The following PALLD variants were observed in gnomAD, a reference collection of about 807,000 sequenced individuals.
PALLD encodes palladin, cytoskeletal associated protein, also known as palladin.
A neutral mutation model predicts 123.5 loss-of-function variants in PALLD; 61 were observed. That is an observed-to-expected ratio of 0.49 (90% CI 0.40 to 0.61). The LOEUF is 0.61. PALLD is among the 20% of genes least tolerant of loss of function. The probability of loss-of-function intolerance (pLI) is 0.00; values close to 1 mark genes in which losing one functional copy is unlikely to be tolerated. For missense variants in PALLD, 1,273 were observed against 1,377.0 expected, an observed-to-expected ratio of 0.92 and a Z score of 1.20; for synonymous variants, 465 against 496.4, an observed-to-expected ratio of 0.94 and a Z score of 0.84.
At chr4:168,714,920 G>GA (rs1033747004) in intron 10 of PALLD, among the ~76,000 whole-genome samples, 24 of 147,650 alleles carry the variant, frequency 1.6e-4, no homozygotes, top group South Asian at 2.1e-4. Context: ...TGCGGGAAAA[G>GA]AAAAAAAAAA....
At chr4:168,771,426 G>A (rs935814349) in intron 10 of PALLD, among the ~76,000 whole-genome samples, 6 of 152,146 alleles carry the variant, frequency 3.9e-5, no homozygotes, top group South Asian at 2.1e-4. Context: ...ATTCAGGAAC[G>A]GGCTGCAACA....
At chr4:168,922,100 TA>T (rs1761669171) in intron 18 of PALLD, among the ~76,000 whole-genome samples, 8 of 96,632 alleles carry the variant, frequency 8.3e-5, no homozygotes, top group Non-Finnish European at 1.7e-4. Context: ...TATATATATA[TA>T]TACACACACA....
chr4:168,614,004 G>C (rs1561306028), intron 2 of PALLD, among the ~76,000 whole-genome samples: 1 of 152,164 alleles, frequency 6.6e-6, no homozygotes. Context: ...TTAAAGGCTG[G>C]AGAATTCGGT....
intron 2 of PALLD, among the ~76,000 whole-genome samples, chr4:168,665,432 T>C (rs1779543118): frequency 1.3e-5 from 2 of 152,194 alleles, no homozygotes; most frequent in Non-Finnish European, 2.9e-5. Context: ...AGGTACAATA[T>C]ACATTTTTAA....
At position 168,667,565 on chromosome 4, in the gene PALLD, T is replaced by A. The variant is rs144062497; in HGVS notation, c.909-625T>A. ...AAATTTCCCACACGAAGGACCTGATTGTTTGGGAAAGGAAAAGTGCTGACG... is the reference window on the plus strand; with the variant it reads ...AAATTTCCCACACGAAGGACCTGATAGTTTGGGAAAGGAAAAGTGCTGACG... On this transcript the variant is annotated intron_variant, in intron 2 of 21. Transcript: ENST00000505667. 2.4e-4 allele frequency among the ~76,000 whole-genome samples: 36 copies of A among 152,238 alleles called. No individual in the cohort carries two copies. The East Asian group carries it at 6.9e-3, about 29-fold the overall frequency.
chr4:168,911,429 C>T (rs899682949), intron 15 of PALLD, among the ~76,000 whole-genome samples: 2 of 152,082 alleles, frequency 1.3e-5, no homozygotes, highest in Non-Finnish European at 2.9e-5. Context: ...TCATGGAAGC[C>T]GCAAAGCACA....
chr4:168,744,505 T>C (rs1788668611), intron 10 of PALLD, among the ~76,000 whole-genome samples: 1 of 120,026 alleles, frequency 8.3e-6, no homozygotes, highest in Non-Finnish European at 1.8e-5. Context: ...GAACTCATGG[T>C]CTTCCAACAG....
intron 10 of PALLD, among the ~76,000 whole-genome samples, chr4:168,773,904 C>A (rs1481431421): frequency 6.6e-6 from 1 of 152,100 alleles, no homozygotes; most frequent in Non-Finnish European, 1.5e-5. Context: ...ATGCTCCAGC[C>A]ATTTAACAAG....
intron 10 of PALLD, among the ~76,000 whole-genome samples, chr4:168,768,024 C>A (rs545226168): frequency 6.6e-6 from 1 of 152,292 alleles, no homozygotes; most frequent in South Asian, 2.1e-4. Flanking sequence ...TCCCTCATCT[C>A]CCTCATTTGA....
chr4:168,792,405 G>A (rs1484123768), intron 10 of PALLD, among the ~76,000 whole-genome samples: 2 of 152,210 alleles, frequency 1.3e-5, no homozygotes, highest in East Asian at 1.9e-4. Flanking sequence ...ATATTGCCAA[G>A]TAAAAGAAGT....
At chr4:168,588,984 A>G (rs1274426573) in intron 2 of PALLD, among the ~76,000 whole-genome samples, 4 of 152,128 alleles carry the variant, frequency 2.6e-5, no homozygotes, top group Non-Finnish European at 5.9e-5. Flanking sequence ...GTGAGTTTTT[A>G]TGTTTGGGTC....
At chr4:168,897,781 G>C (rs1178820101) in intron 13 of PALLD, among the ~76,000 whole-genome samples, 1 of 151,508 alleles carries the variant, frequency 6.6e-6, no homozygotes, top group Non-Finnish European at 1.5e-5. Context: ...CAAGGAAATT[G>C]TAGGATCCAC....
intron 10 of PALLD, among the ~76,000 whole-genome samples, chr4:168,806,211 T>G (rs1227335893): frequency 1.3e-5 from 2 of 152,180 alleles, no homozygotes; most frequent in African/African-American, 4.8e-5. Flanking sequence ...ATTACAGGCT[T>G]GTGCCACCAC....
In PALLD at chr4:168,739,855, G is replaced by A. The variant is rs574832768; in HGVS notation, c.1964+27932G>A. Among the ~76,000 whole-genome samples, 9 of 152,260 alleles carry A rather than the reference G, an allele frequency of 5.9e-5. No homozygotes were observed. The South Asian group carries it at 1.9e-3, about 32-fold the overall frequency. On this transcript the variant is annotated intron_variant, in intron 10 of 21. Transcript: ENST00000505667. ...ATTTACTGCGTGAATTTTTGTTTCAGGTTTACTTTATTGCTGCTCTAATTA... is the reference window on the plus strand; with the variant it reads ...ATTTACTGCGTGAATTTTTGTTTCAAGTTTACTTTATTGCTGCTCTAATTA...
chr4:168,589,828 T>C (rs1012963170), intron 2 of PALLD, among the ~76,000 whole-genome samples: 1 of 152,164 alleles, frequency 6.6e-6, no homozygotes, highest in Non-Finnish European at 1.5e-5. Context: ...CTCTAAGGAT[T>C]CCCAACTGCT....
At chr4:168,753,473 C>T (rs1361155524) in intron 10 of PALLD, among the ~76,000 whole-genome samples, 1 of 152,002 alleles carries the variant, frequency 6.6e-6, no homozygotes, top group Non-Finnish European at 1.5e-5. Context: ...CCGCCCTAGC[C>T]AGCATTCAAG....
rs1312442613 is a variant in PALLD at position 168,664,495 on chromosome 4, T to C, written c.909-3695T>C. 3.9e-5 allele frequency among the ~76,000 whole-genome samples: 6 copies of C among 152,234 alleles called. No individual in the cohort carries two copies. In the East Asian group the frequency reaches 1.2e-3, roughly 29 times the overall value. ...GTAAACCACTAGGCTGACCTGTTTTTGCTTTTTAAATATGCATGTTTTTTG... is the reference window on the plus strand; with the variant it reads ...GTAAACCACTAGGCTGACCTGTTTTCGCTTTTTAAATATGCATGTTTTTTG... On this transcript the variant is annotated intron_variant, in intron 2 of 21. Transcript: ENST00000505667.
intron 10 of PALLD, chr4:168,832,283 G>C (rs1209844204): frequency 1.3e-6 from 1 of 750,584 alleles, no homozygotes; most frequent in Non-Finnish European, 1.6e-6. Flanking sequence ...GACAGGGTGG[G>C]GGCGGGGAGG....
At chr4:168,755,274 A>G (rs1196618810) in intron 10 of PALLD, among the ~76,000 whole-genome samples, 4 of 151,962 alleles carry the variant, frequency 2.6e-5, no homozygotes, top group Middle Eastern at 3.4e-3. Flanking sequence ...GGGATAGACA[A>G]TGGCTGCAAA....
Sources: allele counts gnomAD v4.1 joint callset (sites outside exome capture counted in the v4.1 genomes callset), GRCh38; gene constraint gnomAD v4.1.1; transcripts MANE v1.5; gene names NCBI Gene and HGNC (gene_info 2026-07-23, HGNC 2026-07-21).